Variants in PKHD1 observed in about 807,000 individuals in gnomAD.
PKHD1 encodes fibrocystin.
In PKHD1, 291 loss-of-function variants were observed where a neutral mutation model predicts 412.0. The ratio of observed to expected loss-of-function variants is 0.71; its 90% CI spans 0.64 to 0.78. The LOEUF is 0.78. PKHD1 is among the 30% of genes least tolerant of loss of function. The pLI is 0.00. For synonymous variants in PKHD1, 1,777 were observed against 1,821.5 expected, an observed-to-expected ratio of 0.98 and a Z score of 0.62; for missense variants, 4,825 against 4,950.7, an observed-to-expected ratio of 0.97 and a Z score of 0.76.
In PKHD1 at chr6:52,025,400, G is replaced by T; in HGVS notation, c.4410C>A (p.Ser1470Arg). Residue 1470 changes from serine (S) to arginine (R), a missense_variant, in exon 32 of 67, where the codon AGC becomes AGA. Physicochemically the swap from Ser to Arg is moderately radical, Grantham distance 110. Coordinates refer to ENST00000371117, the MANE Select transcript of PKHD1 (RefSeq NM_138694.4). ...NVTVLVNGLT[S>R]ECQGNCTLFI... is the part of the protein sequence containing the mutation. ...AAAGAGTGCAATTCCCCTGACACTCGCTGGTTAGCCCATTGACCAGGACTG... is the reference window on the plus strand; with the variant it reads ...AAAGAGTGCAATTCCCCTGACACTCTCTGGTTAGCCCATTGACCAGGACTG... 6.2e-7 allele frequency: 1 copy of T among 1,610,592 alleles called. No homozygotes were observed. Among genetic ancestry groups the T allele is most frequent in the Non-Finnish European group, 8.5e-7 (1 of 1,177,560 alleles).
intron 64 of PKHD1, 22 bp from the exon 65 acceptor site, chr6:51,632,745 G>A (rs1032631199): frequency 2.5e-6 from 4 of 1,596,448 alleles, no homozygotes; most frequent in Non-Finnish European, 3.4e-6. Context: ...AAAAGAAGAT[G>A]TTTCAATGAT....
At chr6:51,707,640 C>T (rs145635304) in intron 60 of PKHD1, among the ~76,000 whole-genome samples, 1 of 152,246 alleles carries the variant, frequency 6.6e-6, no homozygotes, top group Non-Finnish European at 1.5e-5. Flanking sequence ...TTTACTCTCA[C>T]CATCCCTACG....
intron 12 of PKHD1, 103 bp from the exon 13 acceptor site, chr6:52,065,153 A>ATG: frequency 1.0e-5 from 1 of 98,796 alleles, no homozygotes; most frequent in Non-Finnish European, 1.9e-5. Flanking sequence ...ATATATATAT[A>ATG]TATATATATA....
chr6:51,926,337 C>T (rs1785619599), intron 37 of PKHD1, among the ~76,000 whole-genome samples: 1 of 152,150 alleles, frequency 6.6e-6, no homozygotes, highest in Non-Finnish European at 1.5e-5. Context: ...CACCTGGACT[C>T]AGCTGTGCCT....
chr6:51,889,294 G>A (rs1376869898), intron 43 of PKHD1, among the ~76,000 whole-genome samples: 1 of 152,126 alleles, frequency 6.6e-6, no homozygotes, highest in Non-Finnish European at 1.5e-5. Context: ...CCATGACACT[G>A]TGCCACTCAA....
intron 34 of PKHD1, among the ~76,000 whole-genome samples, chr6:52,014,245 C>G (rs1800172812): frequency 2.0e-5 from 3 of 152,214 alleles, no homozygotes; most frequent in Admixed American, 1.3e-4. Flanking sequence ...ATAAAGACAC[C>G]TGCTTCTCTT....
chr6:51,746,913 A>G, intron 58 of PKHD1, 24 bp from the exon 59 acceptor site: 1 of 1,336,392 alleles, frequency 7.5e-7, no homozygotes, highest in Admixed American at 1.8e-5. Flanking sequence ...AATATGTATC[A>G]TAATATTATA....
intron 37 of PKHD1, among the ~76,000 whole-genome samples, chr6:51,914,043 G>T (rs151293758): frequency 5.9e-5 from 9 of 151,998 alleles, no homozygotes; most frequent in Admixed American, 5.9e-4. Flanking sequence ...TGCCTACATA[G>T]AAAAATCTCT....
At chr6:52,027,532 CAA>C (rs1229066296) in intron 31 of PKHD1, among the ~76,000 whole-genome samples, 6 of 83,866 alleles carry the variant, frequency 7.2e-5, no homozygotes, top group African/African-American at 2.2e-4. Flanking sequence ...AACTCCGTCT[CAA>C]AAAAAAAAAA....
intron 60 of PKHD1, among the ~76,000 whole-genome samples, chr6:51,671,292 T>C (rs1052106133): frequency 2.2e-4 from 33 of 152,206 alleles, no homozygotes; most frequent in African/African-American, 7.7e-4. Flanking sequence ...CTTCATTTCA[T>C]TCACTTCATC....
intron 60 of PKHD1, among the ~76,000 whole-genome samples, chr6:51,684,139 G>GAAAAAAAAAC (rs1362266190): frequency 6.6e-6 from 1 of 152,048 alleles, no homozygotes; most frequent in African/African-American, 2.4e-5. Context: ...AAACTGAGCG[G>GAAAAAAAAAC]TGTGTTTTTA....
In PKHD1 at chr6:51,761,641, A is replaced by T. The variant is rs528785124; in HGVS notation, c.8643-6703T>A. ...ATATGAGATAATACATATGTTAATT[A>T]TGTAGATTTAGCCAATCCACAATGC... On this transcript the variant is annotated intron_variant, in intron 55 of 66. Coordinates refer to ENST00000371117, the MANE Select transcript of PKHD1 (RefSeq NM_138694.4). Among the ~76,000 whole-genome samples, 18 of 152,234 alleles carry T rather than the reference A, an allele frequency of 1.2e-4. No homozygotes were observed. The South Asian group carries it at 3.1e-3, about 26-fold the overall frequency.
At chr6:52,070,533 A>G (rs1265100903) in intron 9 of PKHD1, 88 bp from the exon 10 acceptor site, 1 of 909,874 alleles carries the variant, frequency 1.1e-6, no homozygotes, top group Non-Finnish European at 1.8e-6. Flanking sequence ...AAAGACTCCA[A>G]TATCATCAAA....
In PKHD1 at chr6:52,067,187, A is replaced by G. The variant is rs576358837; in HGVS notation, c.779-1110T>C. Reference sequence around the variant, plus strand: ...AGGAGACATATGGAGGCAAAGATTGATCCCTTACACTCAGATACCAAAATT... The same window carrying G: ...AGGAGACATATGGAGGCAAAGATTGGTCCCTTACACTCAGATACCAAAATT... On this transcript the variant is annotated intron_variant, in intron 11 of 66. Transcript: ENST00000371117. Among the ~76,000 whole-genome samples, 8 of 152,304 alleles carry G rather than the reference A, an allele frequency of 5.3e-5. No individual in the cohort carries two copies. The South Asian group carries it at 1.7e-3, about 32-fold the overall frequency.
chr6:51,625,630 A>T (rs1767129979), intron 66 of PKHD1, among the ~76,000 whole-genome samples: 1 of 152,176 alleles, frequency 6.6e-6, no homozygotes, highest in South Asian at 2.1e-4. Context: ...GCCACCACAT[A>T]AAAAAGTTCC....
intron 46 of PKHD1, among the ~76,000 whole-genome samples, chr6:51,880,760 G>T (rs2127530865): frequency 3.1e-5 from 1 of 32,012 alleles, no homozygotes; most frequent in African/African-American, 1.6e-4. Flanking sequence ...AAAACTTAGA[G>T]TATAATAAAA....
At chr6:51,772,896 A>AG in intron 54 of PKHD1, 107 bp from the exon 55 acceptor site, 1 of 740,966 alleles carries the variant, frequency 1.3e-6, no homozygotes, top group Admixed American at 1.9e-5. Context: ...TGTGATATAG[A>AG]ATCTCTATAT....
chr6:51,971,741 T>C (rs1033401567), intron 35 of PKHD1, among the ~76,000 whole-genome samples: 2 of 119,960 alleles, frequency 1.7e-5, no homozygotes, highest in African/African-American at 2.9e-5. Context: ...TTGTTTTGTT[T>C]TGTTTTTTGA....
Position 52,027,702 on chromosome 6 carries a change from G to A in PKHD1, c.3628+127C>T, listed in dbSNP as rs189330669. ...AAACACCCCTCAGTTCCTGGAGCCCGAGGAAAGTTTCTCTCCTGTTTCCCC... is the reference window on the plus strand; with the variant it reads ...AAACACCCCTCAGTTCCTGGAGCCCAAGGAAAGTTTCTCTCCTGTTTCCCC... On this transcript the variant is annotated intron_variant, in intron 31 of 66. Transcript: ENST00000371117. The A allele has an allele frequency of 8.0e-5, 59 of 736,602 alleles. No individual in the cohort carries two copies. In the African/African-American group the frequency reaches 8.7e-4, roughly 11 times the overall value. The allele number at this position is 736,602 out of a possible 1,614,324, so 45.6% of individuals were successfully genotyped here.
Sources: allele counts gnomAD v4.1 joint callset (sites outside exome capture counted in the v4.1 genomes callset), GRCh38; gene constraint gnomAD v4.1.1; transcripts MANE v1.5; gene names NCBI Gene and HGNC (gene_info 2026-07-23, HGNC 2026-07-21).